The following JAM2 variants were observed in gnomAD, a reference collection of about 807,000 sequenced individuals.
JAM2 encodes the protein junctional adhesion molecule 2, also known as junctional adhesion molecule B.
A neutral mutation model predicts 42.0 loss-of-function variants in JAM2; 17 were observed. The observed-to-expected ratio is 0.40, with a 90% CI of 0.28 to 0.61. The LOEUF is 0.61. Ranked by LOEUF, JAM2 falls within the 20% of genes least tolerant of loss-of-function variation. The pLI is 0.37. For synonymous variants in JAM2, 118 were observed against 128.6 expected (o/e 0.92, Z 0.56); for missense variants, 319 against 358.3 (o/e 0.89, Z 0.89).
intron 1 of JAM2, among the ~76,000 whole-genome samples, chr21:25,669,978 A>G (rs2033318637): frequency 1.3e-5 from 2 of 152,230 alleles, no homozygotes; most frequent in Admixed American, 1.3e-4. Flanking sequence ...CCTTATTAAG[A>G]CTAAGTGCTA....
chr21:25,665,793 C>A (rs780575422), intron 1 of JAM2, among the ~76,000 whole-genome samples: 1 of 152,150 alleles, frequency 6.6e-6, no homozygotes, highest in Non-Finnish European at 1.5e-5. Context: ...GTAATCCCAG[C>A]ACTTTGGGAG....
At chr21:25,672,910 T>C (rs184670860) in intron 1 of JAM2, among the ~76,000 whole-genome samples, 111 of 152,348 alleles carry the variant, frequency 7.3e-4, no homozygotes, top group Non-Finnish European at 1.9e-4. Flanking sequence ...TAACCATGGC[T>C]TCCACTGAGT....
At chr21:25,679,856 G>T (rs1015728005) in intron 1 of JAM2, among the ~76,000 whole-genome samples, 4 of 152,176 alleles carry the variant, frequency 2.6e-5, no homozygotes, top group African/African-American at 9.7e-5. Flanking sequence ...GGGGATCACG[G>T]TGTGGGCCTA....
intron 4 of JAM2, among the ~76,000 whole-genome samples, chr21:25,697,931 A>G (rs1358095380): frequency 2.5e-5 from 2 of 79,282 alleles, no homozygotes; most frequent in African/African-American, 1.2e-4. Context: ...CTATCTGCAC[A>G]CACACACACA....
intron 2 of JAM2, among the ~76,000 whole-genome samples, chr21:25,685,102 G>A (rs1029297405): frequency 6.6e-6 from 1 of 152,148 alleles, no homozygotes; most frequent in Non-Finnish European, 1.5e-5. Context: ...CCTGGAGCTG[G>A]AGAAAGATAG....
At chr21:25,677,718 G>C (rs537360328) in intron 1 of JAM2, among the ~76,000 whole-genome samples, 2 of 152,222 alleles carry the variant, frequency 1.3e-5, no homozygotes, top group East Asian at 3.9e-4. Context: ...ATTTTGCCCC[G>C]AGGTTTTCCT....
chr21:25,689,757 A>C (rs1273307677), intron 2 of JAM2, 109 bp from the exon 3 acceptor site: 3 of 683,174 alleles, frequency 4.4e-6, no homozygotes, highest in South Asian at 1.8e-5. Context: ...TGAATGAATA[A>C]AACTATAAAG....
intron 6 of JAM2, among the ~76,000 whole-genome samples, chr21:25,705,121 G>A (rs2034244844): frequency 6.6e-6 from 1 of 152,114 alleles, no homozygotes; most frequent in Admixed American, 6.5e-5. Context: ...TTGCATATAT[G>A]TATATGACTG....
At chr21:25,692,992 GTA>G (rs1230283167) in intron 3 of JAM2, among the ~76,000 whole-genome samples, 1 of 152,136 alleles carries the variant, frequency 6.6e-6, no homozygotes, top group Non-Finnish European at 1.5e-5. Flanking sequence ...TTACTATAAG[GTA>G]TATGTTAGAC....
At chr21:25,711,879 C>A in intron 8 of JAM2, 1 of 213,898 alleles carries the variant, frequency 4.7e-6, no homozygotes, top group Middle Eastern at 2.0e-3. Flanking sequence ...CATTCCTAGA[C>A]ATATGCCCTC....
At chr21:25,682,520 G>A (rs2033658680) in intron 1 of JAM2, among the ~76,000 whole-genome samples, 1 of 152,250 alleles carries the variant, frequency 6.6e-6, no homozygotes, top group African/African-American at 2.4e-5. Context: ...TTGAATCCCT[G>A]AGGGGAGGGG....
chr21:25,663,755 A>G (rs1009614447), intron 1 of JAM2, among the ~76,000 whole-genome samples: 3 of 152,116 alleles, frequency 2.0e-5, no homozygotes, highest in African/African-American at 7.2e-5. Flanking sequence ...TCTACCTTGG[A>G]CTTCTCAGCC....
intron 1 of JAM2, among the ~76,000 whole-genome samples, chr21:25,671,208 G>C (rs1470451858): frequency 2.0e-5 from 3 of 152,138 alleles, no homozygotes; most frequent in African/African-American, 2.4e-5. Context: ...CTTTGTGGGT[G>C]GTAAAATCGA....
At chr21:25,650,727 G>A (rs2032750439) in intron 1 of JAM2, among the ~76,000 whole-genome samples, 1 of 152,218 alleles carries the variant, frequency 6.6e-6, no homozygotes, top group South Asian at 2.1e-4. Flanking sequence ...GAAATGAAGT[G>A]GTTATAGCCC....
chr21:25,662,965 A>T (rs2033127587), intron 1 of JAM2, among the ~76,000 whole-genome samples: 1 of 152,262 alleles, frequency 6.6e-6, no homozygotes, highest in Admixed American at 6.5e-5. Flanking sequence ...TCTTATAAAA[A>T]GTACTATGTC....
At chr21:25,701,962 C>A (rs1166754188) in intron 5 of JAM2, among the ~76,000 whole-genome samples, 1 of 150,592 alleles carries the variant, frequency 6.6e-6, no homozygotes, top group Non-Finnish European at 1.5e-5. Context: ...TGTATTTTAT[C>A]TTTGTTCTTC....
chr21:25,693,251 C>A (rs951731750), intron 3 of JAM2, among the ~76,000 whole-genome samples: 2 of 148,512 alleles, frequency 1.3e-5, no homozygotes, highest in African/African-American at 2.5e-5. Context: ...TAAAACTATG[C>A]TTTTTTGAAT....
chr21:25,655,785 C>T (rs1293891454), intron 1 of JAM2, among the ~76,000 whole-genome samples: 2 of 150,956 alleles, frequency 1.3e-5, no homozygotes, highest in Non-Finnish European at 2.9e-5. Flanking sequence ...TGTGAGCCAC[C>T]GTGCCCAGTC....
intron 3 of JAM2, 61 bp from the exon 4 acceptor site, chr21:25,693,695 A>G (rs1372463431): frequency 1.5e-6 from 2 of 1,324,344 alleles, no homozygotes; most frequent in Non-Finnish European, 2.1e-6. Context: ...GATTAGAGGA[A>G]GGTATTACAC....
Sources: allele counts gnomAD v4.1 joint callset (sites outside exome capture counted in the v4.1 genomes callset), GRCh38; gene constraint gnomAD v4.1.1; transcripts MANE v1.5; gene names NCBI Gene and HGNC (gene_info 2026-07-23, HGNC 2026-07-21).